CYP7B1: variants seen among roughly 807,000 people sequenced by gnomAD.
CYP7B1 encodes the protein cytochrome P450 family 7 subfamily B member 1, also known as cytochrome P450 7B1.
Under a neutral mutation model 42.7 loss-of-function variants are expected in CYP7B1, and 29 were observed. That is an observed-to-expected ratio of 0.68 (90% confidence interval 0.51 to 0.93). The LOEUF (loss-of-function observed/expected upper bound fraction) is 0.93. CYP7B1 is among the 40% of genes least tolerant of loss of function. CYP7B1 has a pLI of 0.00. For missense variants in CYP7B1, 655 were observed against 600.5 expected (o/e 1.09, Z -0.95); for synonymous variants, 235 against 218.2 (o/e 1.08, Z -0.68).
At chr8:64,664,318 A>T (rs1333967630) in intron 1 of CYP7B1, among the ~76,000 whole-genome samples, 1 of 152,232 alleles carries the variant, frequency 6.6e-6, no homozygotes, top group Non-Finnish European at 1.5e-5. Context: ...ACATACATAT[A>T]CACAAAACTA....
chr8:64,707,670 C>A (rs1807020612), intron 1 of CYP7B1, among the ~76,000 whole-genome samples: 1 of 152,024 alleles, frequency 6.6e-6, no homozygotes, highest in African/African-American at 2.4e-5. Flanking sequence ...TTCATCCAAA[C>A]ATTTACATTT....
At chr8:64,747,157 T>C (rs1226064600) in intron 1 of CYP7B1, among the ~76,000 whole-genome samples, 1 of 148,430 alleles carries the variant, frequency 6.7e-6, no homozygotes, top group Non-Finnish European at 1.5e-5. Flanking sequence ...TACATAAGTA[T>C]ATATTGTATA....
chr8:64,665,556 G>T (rs1806262529), intron 1 of CYP7B1, among the ~76,000 whole-genome samples: 1 of 92,494 alleles, frequency 1.1e-5, no homozygotes, highest in Admixed American at 1.2e-4. Flanking sequence ...TTTTTTTTTG[G>T]TGGTTTTTTT....
chr8:64,752,165 G>A (rs1050787248), intron 1 of CYP7B1, among the ~76,000 whole-genome samples: 96 of 149,412 alleles, frequency 6.4e-4, no homozygotes, highest in Non-Finnish European at 1.1e-3. Context: ...CATGATGTAT[G>A]TACTCCAGAA....
intron 1 of CYP7B1, among the ~76,000 whole-genome samples, chr8:64,761,679 C>A (rs1405641439): frequency 6.6e-6 from 1 of 152,156 alleles, no homozygotes; most frequent in East Asian, 1.9e-4. Flanking sequence ...AATATGCCTG[C>A]TCTCTGCTGA....
intron 1 of CYP7B1, among the ~76,000 whole-genome samples, chr8:64,649,014 TCAAC>T (rs1353235758): frequency 6.6e-6 from 1 of 152,198 alleles, no homozygotes; most frequent in Non-Finnish European, 1.5e-5. Context: ...ATTTATCATC[TCAAC>T]CATTTTAAGT....
downstream of CYP7B1, among the ~76,000 whole-genome samples, chr8:64,588,562 A>G (rs1259677948): frequency 6.6e-6 from 1 of 152,256 alleles, no homozygotes; most frequent in Non-Finnish European, 1.5e-5. Flanking sequence ...TTATACATTT[A>G]TCCTGCTCTG....
intron 1 of CYP7B1, among the ~76,000 whole-genome samples, chr8:64,764,468 A>T (rs1807941780): frequency 6.6e-6 from 1 of 152,186 alleles, no homozygotes. Flanking sequence ...AAGAAAAAAC[A>T]ATGTGCCCTA....
chr8:64,630,052 G>A (rs551050655), intron 1 of CYP7B1, among the ~76,000 whole-genome samples: 8 of 152,290 alleles, frequency 5.3e-5, no homozygotes, highest in East Asian at 1.9e-4. Flanking sequence ...CAAAGGTGGA[G>A]GGCTATACCC....
At chr8:64,706,560 A>T (rs1190128134) in intron 1 of CYP7B1, among the ~76,000 whole-genome samples, 2 of 152,070 alleles carry the variant, frequency 1.3e-5, no homozygotes, top group Admixed American at 1.3e-4. Flanking sequence ...TTGCAGCAAG[A>T]AATCCTGGTT....
At chr8:64,757,329 T>C (rs1382776312) in intron 1 of CYP7B1, among the ~76,000 whole-genome samples, 2 of 152,184 alleles carry the variant, frequency 1.3e-5, no homozygotes, top group Admixed American at 1.3e-4. Flanking sequence ...TTAGAGTCTA[T>C]CACAGAAACT....
chr8:64,589,337 G>T (rs1805006122), downstream of CYP7B1, among the ~76,000 whole-genome samples: 1 of 152,044 alleles, frequency 6.6e-6, no homozygotes, highest in Non-Finnish European at 1.5e-5. Context: ...AATAAAAACT[G>T]TTTGTAACTT....
intron 4 of CYP7B1, among the ~76,000 whole-genome samples, chr8:64,612,281 G>A (rs1030691205): frequency 6.6e-6 from 1 of 151,648 alleles, no homozygotes; most frequent in African/African-American, 2.4e-5. Flanking sequence ...TTCCTATTGA[G>A]ATTTAAGCCC....
At chr8:64,753,725 T>C (rs1807765035) in intron 1 of CYP7B1, among the ~76,000 whole-genome samples, 1 of 152,178 alleles carries the variant, frequency 6.6e-6, no homozygotes, top group Non-Finnish European at 1.5e-5. Flanking sequence ...AGAAACGAAA[T>C]GAAATCATTT....
chr8:64,772,486 G>T (rs892164683), intron 1 of CYP7B1, among the ~76,000 whole-genome samples: 1 of 152,152 alleles, frequency 6.6e-6, no homozygotes, highest in African/African-American at 2.4e-5. Flanking sequence ...GACTTGAACT[G>T]CCGCACTAAC....
At chr8:64,627,775 C>T (rs986798464) in intron 1 of CYP7B1, among the ~76,000 whole-genome samples, 6 of 152,138 alleles carry the variant, frequency 3.9e-5, no homozygotes, top group African/African-American at 1.4e-4. Context: ...CTATTAAACA[C>T]CATGTCACAA....
chr8:64,765,158 G>T (rs1807953023), intron 1 of CYP7B1, among the ~76,000 whole-genome samples: 1 of 151,940 alleles, frequency 6.6e-6, no homozygotes, highest in African/African-American at 2.4e-5. Flanking sequence ...AAGTCAATTT[G>T]GACTAAACAA....
At chr8:64,694,693 T>G (rs1293210240) in intron 1 of CYP7B1, among the ~76,000 whole-genome samples, 26 of 152,238 alleles carry the variant, frequency 1.7e-4, no homozygotes, top group Admixed American at 1.7e-3. Flanking sequence ...CATTTATTTT[T>G]ACTGTATTTT....
At chr8:64,678,748 C>T (rs1022061000) in intron 1 of CYP7B1, among the ~76,000 whole-genome samples, 17 of 152,100 alleles carry the variant, frequency 1.1e-4, no homozygotes, top group African/African-American at 3.9e-4. Flanking sequence ...AGAACCATGC[C>T]TGTAGGCACA....
Sources: allele counts gnomAD v4.1 joint callset (sites outside exome capture counted in the v4.1 genomes callset), GRCh38; gene constraint gnomAD v4.1.1; transcripts MANE v1.5; gene names NCBI Gene and HGNC (gene_info 2026-07-23, HGNC 2026-07-21).